Variants in DOCK1 observed in about 807,000 individuals in gnomAD.
The protein encoded by DOCK1 is dedicator of cytokinesis protein 1.
DOCK1 carries 138 observed loss-of-function variants against 262.7 expected under a neutral mutation model. The ratio of observed to expected loss-of-function variants is 0.53; its 90% CI spans 0.46 to 0.61. The LOEUF (loss-of-function observed/expected upper bound fraction) is 0.61, where lower values mean the gene tolerates loss of function less well. Among genes scored for constraint, DOCK1 ranks in the 20% least tolerant of loss-of-function variants. The pLI is 0.00. For synonymous variants in DOCK1, 866 were observed against 867.4 expected, an observed-to-expected ratio of 1.00 and a Z score of 0.03; for missense variants, 1,908 against 2,370.7, an observed-to-expected ratio of 0.80 and a Z score of 4.05.
chr10:127,122,369 G>A (rs1476145945), intron 25 of DOCK1, among the ~76,000 whole-genome samples: 18 of 152,218 alleles, frequency 1.2e-4, no homozygotes, highest in Admixed American at 1.1e-3. Flanking sequence ...CTCGTTGCCA[G>A]CCTGGTCCTC....
chr10:127,420,388 G>A (rs1440135594), intron 46 of DOCK1, among the ~76,000 whole-genome samples: 1 of 152,202 alleles, frequency 6.6e-6, no homozygotes, highest in East Asian at 1.9e-4. Flanking sequence ...GCCTGGAAGT[G>A]TAGGGGTCAA....
At chr10:127,298,358 C>T (rs1055027859) in intron 29 of DOCK1, among the ~76,000 whole-genome samples, 14 of 152,160 alleles carry the variant, frequency 9.2e-5, no homozygotes, top group African/African-American at 3.1e-4. Flanking sequence ...ATAATTGTAG[C>T]AGAGGGCTGA....
chr10:127,174,504 T>A (rs1475195956), intron 27 of DOCK1, among the ~76,000 whole-genome samples: 8 of 152,198 alleles, frequency 5.3e-5, no homozygotes, highest in African/African-American at 1.9e-4. Context: ...AAACATGAAG[T>A]GCAAGATGGT....
intron 27 of DOCK1, among the ~76,000 whole-genome samples, chr10:127,209,114 T>A (rs1321491823): frequency 1.3e-5 from 2 of 152,198 alleles, no homozygotes; most frequent in Admixed American, 1.3e-4. Context: ...GAAATTTATT[T>A]GATGATCCAG....
At chr10:127,291,951 C>T (rs781663915) in intron 29 of DOCK1, among the ~76,000 whole-genome samples, 2 of 152,190 alleles carry the variant, frequency 1.3e-5, no homozygotes, top group African/African-American at 2.4e-5. Flanking sequence ...CCCAGGGTCG[C>T]AAGCCAGGTT....
At chr10:127,327,257 A>T (rs563561063) in intron 29 of DOCK1, among the ~76,000 whole-genome samples, 4 of 152,204 alleles carry the variant, frequency 2.6e-5, no homozygotes, top group Non-Finnish European at 5.9e-5. Context: ...GACATATTCC[A>T]ATATAAGGTG....
intron 35 of DOCK1, among the ~76,000 whole-genome samples, chr10:127,377,551 G>A (rs148463997): frequency 2.5e-3 from 383 of 152,234 alleles, no homozygotes; most frequent in Non-Finnish European, 4.1e-3. Flanking sequence ...ACAGTTAGTG[G>A]AACATTGTAA....
intron 49 of DOCK1, among the ~76,000 whole-genome samples, chr10:127,441,918 G>A (rs11018089): frequency 0.3 from 45,590 of 151,860 alleles, 7,524 homozygotes; most frequent in East Asian, 0.44. Flanking sequence ...AGCTCTCTGA[G>A]TCAGAATGTG....
intron 44 of DOCK1, 113 bp from the exon 45 acceptor site, chr10:127,418,252 A>G (rs865922929): frequency 2.4e-6 from 3 of 1,227,248 alleles, no homozygotes; most frequent in Middle Eastern, 2.2e-4. Flanking sequence ...TGTTTGGAAG[A>G]AAGGTTCACG....
intron 31 of DOCK1, among the ~76,000 whole-genome samples, chr10:127,349,369 T>C (rs2063779846): frequency 6.6e-6 from 1 of 152,110 alleles, no homozygotes; most frequent in Non-Finnish European, 1.5e-5. Context: ...AACATGCTTT[T>C]CTTCGCTCTC....
chr10:126,978,856 T>C (rs1344318619), intron 3 of DOCK1, among the ~76,000 whole-genome samples: 1 of 152,168 alleles, frequency 6.6e-6, no homozygotes, highest in Non-Finnish European at 1.5e-5. Context: ...GTGGCCCAAG[T>C]GCCAGGGTCC....
chr10:127,081,723 C>A (rs780311338), intron 23 of DOCK1, among the ~76,000 whole-genome samples: 1 of 152,140 alleles, frequency 6.6e-6, no homozygotes, highest in East Asian at 1.9e-4. Context: ...CTCTTTATTT[C>A]TTCTGTCTTG....
intron 23 of DOCK1, among the ~76,000 whole-genome samples, chr10:127,063,937 A>G (rs1032457656): frequency 4.6e-5 from 7 of 152,220 alleles, no homozygotes; most frequent in Non-Finnish European, 7.3e-5. Flanking sequence ...TTTATTAGGC[A>G]TGTCACCTCC....
At chr10:127,167,149 T>C (rs1183390140) in intron 27 of DOCK1, among the ~76,000 whole-genome samples, 2 of 152,182 alleles carry the variant, frequency 1.3e-5, no homozygotes, top group Admixed American at 1.3e-4. Flanking sequence ...TATATAAATA[T>C]AAGCTATAAA....
At chr10:126,940,446 C>CA (rs1183479639) in intron 1 of DOCK1, among the ~76,000 whole-genome samples, 25 of 152,278 alleles carry the variant, frequency 1.6e-4, no homozygotes, top group Non-Finnish European at 2.4e-4. Flanking sequence ...CTCTGTCACC[C>CA]AGGCTGGAGT....
intron 1 of DOCK1, among the ~76,000 whole-genome samples, chr10:126,963,771 TCA>T (rs1230764508): frequency 6.6e-6 from 1 of 151,634 alleles, no homozygotes; most frequent in Non-Finnish European, 1.5e-5. Flanking sequence ...CTTGAGAGGC[TCA>T]CAGTCAAGTG....
chr10:127,093,897 G>A (rs1380020105), intron 23 of DOCK1, among the ~76,000 whole-genome samples: 9 of 152,180 alleles, frequency 5.9e-5, no homozygotes, highest in Non-Finnish European at 1.0e-4. Flanking sequence ...CAAGGTCAAG[G>A]TGCTAGCATT....
At chr10:126,967,675 G>C (rs2037774435) in intron 1 of DOCK1, among the ~76,000 whole-genome samples, 1 of 152,064 alleles carries the variant, frequency 6.6e-6, no homozygotes, top group Admixed American at 6.5e-5. Context: ...TCCTCGGCTT[G>C]TTTTGCCTCT....
chr10:126,997,747 T>C (rs1234050994), intron 7 of DOCK1: 7 of 263,018 alleles, frequency 2.7e-5, no homozygotes, highest in Non-Finnish European at 4.5e-5. Context: ...GAAGACATAA[T>C]GATACATGAG....
Sources: allele counts gnomAD v4.1 joint callset (sites outside exome capture counted in the v4.1 genomes callset), GRCh38; gene constraint gnomAD v4.1.1; transcripts MANE v1.5; gene names NCBI Gene and HGNC (gene_info 2026-07-23, HGNC 2026-07-21).